GNA12: variants seen among roughly 807,000 people sequenced by gnomAD.
GNA12 encodes the protein guanine nucleotide-binding protein subunit alpha-12.
In GNA12, 9 loss-of-function variants were observed where a neutral mutation model predicts 26.0. The ratio of observed to expected loss-of-function variants is 0.35; its 90% CI spans 0.21 to 0.60. The LOEUF (loss-of-function observed/expected upper bound fraction) is 0.60, where lower values mean the gene tolerates loss of function less well. GNA12 is among the 20% of genes least tolerant of loss of function. The pLI, the probability that GNA12 is intolerant of heterozygous loss-of-function variation, is 0.78. For missense variants in GNA12, 405 were observed against 525.8 expected, an observed-to-expected ratio of 0.77 and a Z score of 2.25; for synonymous variants, 264 against 219.6, an observed-to-expected ratio of 1.20 and a Z score of -1.79.
At chr7:2,812,112 T>C (rs759691287) in intron 1 of GNA12, among the ~76,000 whole-genome samples, 8 of 152,190 alleles carry the variant, frequency 5.3e-5, no homozygotes, top group Non-Finnish European at 1.0e-4. Context: ...TTCAGGCAAC[T>C]CCTCACCAAA....
intron 2 of GNA12, among the ~76,000 whole-genome samples, chr7:2,776,986 G>C (rs1792093993): frequency 6.6e-6 from 1 of 152,028 alleles, no homozygotes; most frequent in Non-Finnish European, 1.5e-5. Context: ...GAATTCCAAG[G>C]ACCTGATGGG....
intron 1 of GNA12, chr7:2,814,304 A>G: frequency 2.0e-6 from 3 of 1,483,012 alleles, no homozygotes; most frequent in Non-Finnish European, 2.8e-6. Flanking sequence ...GAACGGAGTG[A>G]GACTCACCCT....
chr7:2,731,469 G>A lies in GNA12; in HGVS notation c.858C>T (p.Phe286=), dbSNP rs1369858981. 6.8e-6 allele frequency: 11 copies of A among 1,613,876 alleles called. No homozygotes were observed. Among genetic ancestry groups the A allele is most frequent in the Non-Finnish European group, 9.3e-6 (11 of 1,179,952 alleles). Residue 286 remains phenylalanine, a synonymous_variant, in exon 4 of 4, where the codon TTC becomes TTT. Coordinates refer to ENST00000275364, the MANE Select transcript of GNA12 (RefSeq NM_007353.3). This position sits in a 1 kb window ranked among gnomAD's most constrained non-coding sequence, Gnocchi z 6.0. ...GGAAGAGAATGATGGAGACGTTGAA[G>A]AAGAGCTTGTTGTTGACGATGGTCT... ...IFETIVNNKL[F]FNVSIILFLN...
intron 1 of GNA12, among the ~76,000 whole-genome samples, chr7:2,827,763 G>C (rs759224623): frequency 7.9e-5 from 12 of 152,236 alleles, no homozygotes; most frequent in Non-Finnish European, 1.3e-4. Flanking sequence ...ACATACCAAA[G>C]AAAATATTCA....
chr7:2,773,532 A>T (rs1792000643), intron 2 of GNA12, among the ~76,000 whole-genome samples: 1 of 152,256 alleles, frequency 6.6e-6, no homozygotes, highest in Non-Finnish European at 1.5e-5. Flanking sequence ...ACTGCACTCC[A>T]GCCAGGGCGA....
intron 2 of GNA12, among the ~76,000 whole-genome samples, chr7:2,766,375 G>A (rs1345449299): frequency 6.7e-6 from 1 of 148,390 alleles, no homozygotes; most frequent in East Asian, 2.0e-4. Flanking sequence ...TGAACATTTG[G>A]GTTGCTTCCG....
intron 2 of GNA12, among the ~76,000 whole-genome samples, chr7:2,737,289 G>GTTTTTTTTTTTTTTTTTTTTT (rs11389467): frequency 2.7e-4 from 17 of 62,312 alleles, no homozygotes; most frequent in Non-Finnish European, 3.2e-4. Context: ...TTTTTTTTTT[G>GTTTTTTTTTTTTTTTTTTTTT]TTTTTTTTTT....
Position 2,731,395 on chromosome 7 carries a change from T to C in GNA12, c.932A>G (p.Lys311Arg), listed in dbSNP as rs1789887596. The C allele has an allele frequency of 1.9e-6, 3 of 1,613,384 alleles. No homozygotes were observed. Among genetic ancestry groups the C allele is most frequent in the Non-Finnish European group, 2.5e-6 (3 of 1,179,470 alleles). The change falls in exon 4 of 4, where the codon AAG (lysine) becomes AGG (arginine). Residue 311 changes from lysine (K) to arginine (R), a missense_variant. Lys to Arg is a conservative substitution (Grantham distance 26). Coordinates refer to ENST00000275364, the MANE Select transcript of GNA12 (RefSeq NM_007353.3). This position sits in a 1 kb window ranked among gnomAD's most constrained non-coding sequence, Gnocchi z 6.0. ...LVEKVKTVSI[K>R]KHFPDFRGDP... Reference sequence around the variant, plus strand: ...GCCCCTGAAGTCCGGGAAGTGCTTCTTGATGCTCACGGTCTTCACCTTCTC... The same window carrying C: ...GCCCCTGAAGTCCGGGAAGTGCTTCCTGATGCTCACGGTCTTCACCTTCTC...
chr7:2,825,783 G>A (rs889720536), intron 1 of GNA12, among the ~76,000 whole-genome samples: 2 of 152,148 alleles, frequency 1.3e-5, no homozygotes, highest in African/African-American at 4.8e-5. Flanking sequence ...TGGTGGGGCC[G>A]CAGACACAAA....
intron 1 of GNA12, among the ~76,000 whole-genome samples, chr7:2,831,569 AT>A (rs1403878116): frequency 6.6e-6 from 1 of 151,572 alleles, no homozygotes; most frequent in Admixed American, 6.6e-5. Context: ...ACGCCCGGTT[AT>A]TTTTTTGTAT....
At chr7:2,818,885 G>C (rs1297355773) in intron 1 of GNA12, among the ~76,000 whole-genome samples, 1 of 152,014 alleles carries the variant, frequency 6.6e-6, no homozygotes, top group Non-Finnish European at 1.5e-5. Flanking sequence ...CCCTTTCATG[G>C]TCCCCTGTAA....
chr7:2,781,559 A>G (rs1235011799), intron 2 of GNA12, among the ~76,000 whole-genome samples: 1 of 152,126 alleles, frequency 6.6e-6, no homozygotes, highest in African/African-American at 2.4e-5. Context: ...TTAATATCTG[A>G]TAATTAGAGA....
chr7:2,826,852 A>T (rs1178472242), intron 1 of GNA12, among the ~76,000 whole-genome samples: 1 of 152,224 alleles, frequency 6.6e-6, no homozygotes, highest in Non-Finnish European at 1.5e-5. Context: ...ATTTTGAATG[A>T]TGCCATAACG....
chr7:2,794,875 G>A, intron 2 of GNA12, 53 bp downstream of exon 2: 1 of 1,259,968 alleles, frequency 7.9e-7, no homozygotes, highest in Non-Finnish European at 1.2e-6. Context: ...GTCCAAAATA[G>A]TCATGTAAAA....
rs1424855898 is a variant in GNA12 at position 2,795,152 on chromosome 7, TAAAA to T, written c.310-13_310-10del. ...ACAAGAACCCTTGAGCCCTAGAAAATAAAAGAAAGAAGAGAGGATTTAATTGCAT... is the reference window on the plus strand; with the variant it reads ...ACAAGAACCCTTGAGCCCTAGAAAATGAAAGAAGAGAGGATTTAATTGCAT... On this transcript the variant is annotated splice_polypyrimidine_tract_variant and intron_variant, in intron 1 of 3. Transcript: ENST00000275364. 1.2e-5 allele frequency: 19 copies of T among 1,602,902 alleles called. 1 individual carries two copies. Among genetic ancestry groups the T allele is most frequent in the East Asian group, 2.2e-5 (1 of 44,822 alleles).
chr7:2,757,304 T>G (rs1400847771), intron 2 of GNA12, among the ~76,000 whole-genome samples: 1 of 151,620 alleles, frequency 6.6e-6, no homozygotes, highest in African/African-American at 2.4e-5. Flanking sequence ...CCGGCTAATT[T>G]TTTGTAGTTT....
chr7:2,735,390 GGA>G lies in GNA12; in HGVS notation c.526-1891_526-1890del, dbSNP rs1364379847. On this transcript the variant is annotated intron_variant, in intron 2 of 3. Transcript: ENST00000275364. ...GCAGGGTTCTAGCTGGGTCAGGCAT[GGA>G]GAGTCACAGTGGCACAGATGCCCCA... Among the ~76,000 whole-genome samples, 4 of 152,326 alleles carry G rather than the reference GGA, an allele frequency of 2.6e-5. No individual in the cohort carries two copies. In the East Asian group the frequency reaches 7.7e-4, roughly 29 times the overall value.
chr7:2,741,705 T>C (rs1790513956), intron 2 of GNA12, among the ~76,000 whole-genome samples: 1 of 152,032 alleles, frequency 6.6e-6, no homozygotes, highest in Non-Finnish European at 1.5e-5. Context: ...ACACAGACTT[T>C]TAAAAATCCG....
At chr7:2,835,786 G>A (rs1182174) in intron 1 of GNA12, 185,576 of 701,166 alleles carry the variant, frequency 0.26, 26,370 homozygotes, top group Admixed American at 0.29. Context: ...TGCTCGTGAC[G>A]GTACCATGCT....
Sources: allele counts gnomAD v4.1 joint callset (sites outside exome capture counted in the v4.1 genomes callset), GRCh38; gene constraint gnomAD v4.1.1; non-coding constraint Gnocchi (gnomAD v3.1); transcripts MANE v1.5; gene names NCBI Gene and HGNC (gene_info 2026-07-23, HGNC 2026-07-21).